FBXL17: variants seen among roughly 807,000 people sequenced by gnomAD.
FBXL17 encodes F-box/LRR-repeat protein 17.
A neutral mutation model predicts 66.2 loss-of-function variants in FBXL17; 22 were observed. That is an observed-to-expected ratio of 0.33 (90% CI 0.24 to 0.47). The LOEUF (loss-of-function observed/expected upper bound fraction) is 0.47. FBXL17 is among the 20% of genes least tolerant of loss of function. FBXL17 has a pLI of 1.00. For synonymous variants in FBXL17, 474 were observed against 400.5 expected (o/e 1.18, Z -2.19); for missense variants, 878 against 948.2 (o/e 0.93, Z 0.97).
intron 4 of FBXL17, among the ~76,000 whole-genome samples, chr5:108,228,032 C>T (rs1426978467): frequency 1.3e-5 from 2 of 152,148 alleles, no homozygotes; most frequent in Non-Finnish European, 2.9e-5. Flanking sequence ...CACAAGAAAA[C>T]TCAGGTCCAA....
intron 6 of FBXL17, among the ~76,000 whole-genome samples, chr5:108,136,159 A>C (rs1240390999): frequency 6.6e-6 from 1 of 152,124 alleles, no homozygotes; most frequent in Non-Finnish European, 1.5e-5. Context: ...ATATGCAGAT[A>C]GGTCAAATCT....
intron 4 of FBXL17, among the ~76,000 whole-genome samples, chr5:108,326,135 G>A (rs1759837307): frequency 6.6e-6 from 1 of 152,092 alleles, no homozygotes; most frequent in Non-Finnish European, 1.5e-5. Context: ...AATAAATTGA[G>A]CTTCATCAAA....
At chr5:107,957,462 T>C (rs1207045365) in intron 7 of FBXL17, among the ~76,000 whole-genome samples, 1 of 152,170 alleles carries the variant, frequency 6.6e-6, no homozygotes, top group Non-Finnish European at 1.5e-5. Context: ...TTAATTCTTA[T>C]TTAGAATACA....
chr5:108,233,631 TCTC>T (rs1370121249), intron 4 of FBXL17, among the ~76,000 whole-genome samples: 1 of 152,162 alleles, frequency 6.6e-6, no homozygotes, highest in Non-Finnish European at 1.5e-5. Context: ...AGAACGATCT[TCTC>T]CTTAAGTTGG....
At chr5:108,047,546 C>G (rs1335417061) in intron 6 of FBXL17, among the ~76,000 whole-genome samples, 1 of 152,168 alleles carries the variant, frequency 6.6e-6, no homozygotes, top group African/African-American at 2.4e-5. Context: ...GCTAAGCTCC[C>G]TGGGTGGGGG....
intron 7 of FBXL17, among the ~76,000 whole-genome samples, chr5:107,956,110 T>A (rs1751655339): frequency 6.6e-6 from 1 of 152,122 alleles, no homozygotes. Context: ...GTAGTAAAAG[T>A]CAATTTCTTT....
intron 4 of FBXL17, among the ~76,000 whole-genome samples, chr5:108,274,622 T>C (rs1366156232): frequency 1.3e-5 from 2 of 152,218 alleles, no homozygotes; most frequent in African/African-American, 4.8e-5. Context: ...AAGACAGGCA[T>C]AGGAAATCAC....
chr5:107,897,258 A>G (rs2112526317), intron 7 of FBXL17, among the ~76,000 whole-genome samples: 1 of 152,278 alleles, frequency 6.6e-6, no homozygotes, highest in South Asian at 2.1e-4. Flanking sequence ...AAATTTTATT[A>G]GTAAGGAAAA....
intron 1 of FBXL17, among the ~76,000 whole-genome samples, chr5:108,379,951 T>C (rs1749725418): frequency 6.6e-6 from 1 of 152,218 alleles, no homozygotes; most frequent in Non-Finnish European, 1.5e-5. Context: ...CATTACAACA[T>C]AGCATAAACA....
chr5:108,186,143 G>C lies in FBXL17; in HGVS notation c.1719C>G (p.Leu573=), dbSNP rs1753220478. 5.0e-6 allele frequency: 8 copies of C among 1,612,032 alleles called. No individual in the cohort carries two copies. The South Asian group carries it at 5.5e-5, about 11-fold the overall frequency. The change falls in exon 6 of 9, where the codon CTC becomes CTG. Residue 573 remains leucine (L), a synonymous_variant. Transcript: ENST00000542267. ...KRCKNLSSLN[L]CLNWIINDRC... ...TGTCATTTATGATCCAGTTCAGACA[G>C]AGATTGAGAGAGCTAAGATTTTTGC...
intron 6 of FBXL17, among the ~76,000 whole-genome samples, chr5:108,089,960 T>C (rs1749127814): frequency 6.6e-6 from 1 of 152,048 alleles, no homozygotes; most frequent in African/African-American, 2.4e-5. Flanking sequence ...CCCAAGGAGC[T>C]GGGACTGCAG....
At chr5:108,261,082 G>C (rs901278307) in intron 4 of FBXL17, among the ~76,000 whole-genome samples, 3 of 151,952 alleles carry the variant, frequency 2.0e-5, no homozygotes, top group African/African-American at 7.3e-5. Flanking sequence ...AAATACAATA[G>C]AGATAAACAG....
chr5:108,045,948 T>A (rs1330013770), intron 6 of FBXL17, among the ~76,000 whole-genome samples: 1 of 152,156 alleles, frequency 6.6e-6, no homozygotes, highest in Non-Finnish European at 1.5e-5. Context: ...TTGGTTGGAG[T>A]GTTCTATAAA....
chr5:108,031,334 G>A lies in FBXL17; in HGVS notation c.1746-10333C>T, dbSNP rs555326892. On this transcript the variant is annotated intron_variant, in intron 6 of 8. Transcript: ENST00000542267. ...AAGAAATATTTGAGAAAGGCAATGA[G>A]GGTAAAAAATAGGTAGAAAAATAAT... Among the ~76,000 whole-genome samples the A allele has an allele frequency of 1.6e-4, 24 of 152,134 alleles. No individual in the cohort carries two copies. In the South Asian group the frequency reaches 3.5e-3, roughly 22 times the overall value.
At chr5:107,895,024 T>C (rs1351961457) in intron 7 of FBXL17, among the ~76,000 whole-genome samples, 1 of 152,094 alleles carries the variant, frequency 6.6e-6, no homozygotes, top group African/African-American at 2.4e-5. Flanking sequence ...CCTCCTTTTA[T>C]TTTTGTTAGC....
chr5:108,153,151 T>G (rs1751835196), intron 6 of FBXL17, among the ~76,000 whole-genome samples: 1 of 152,182 alleles, frequency 6.6e-6, no homozygotes, highest in Non-Finnish European at 1.5e-5. Context: ...GAACTGTGAG[T>G]CAGTTAAGCC....
At chr5:108,084,411 C>T (rs1044534142) in intron 6 of FBXL17, among the ~76,000 whole-genome samples, 4 of 152,092 alleles carry the variant, frequency 2.6e-5, no homozygotes, top group African/African-American at 7.2e-5. Context: ...AGGTATGAAA[C>T]GGGGCTAGGA....
chr5:108,178,344 C>T (rs1362533998), intron 6 of FBXL17, among the ~76,000 whole-genome samples: 1 of 152,102 alleles, frequency 6.6e-6, no homozygotes, highest in African/African-American at 2.4e-5. Context: ...CCATGCCTGG[C>T]CTCATGATTT....
chr5:108,098,601 C>T (rs558990671), intron 6 of FBXL17, among the ~76,000 whole-genome samples: 26 of 151,804 alleles, frequency 1.7e-4, no homozygotes, highest in East Asian at 1.2e-3. Flanking sequence ...AAAAATTAGC[C>T]GGGCGTGGTG....
Sources: allele counts gnomAD v4.1 joint callset (sites outside exome capture counted in the v4.1 genomes callset), GRCh38; gene constraint gnomAD v4.1.1; transcripts MANE v1.5; gene names NCBI Gene and HGNC (gene_info 2026-07-23, HGNC 2026-07-21).